GRID2IP: variants seen among roughly 807,000 people sequenced by gnomAD.
The protein encoded by GRID2IP is Grid2 interacting protein.
A neutral mutation model predicts 114.3 loss-of-function variants in GRID2IP; 78 were observed. The observed-to-expected ratio is 0.68, with a 90% CI of 0.57 to 0.82. GRID2IP has a LOEUF of 0.82. GRID2IP is among the 40% of genes least tolerant of loss of function. GRID2IP has a pLI of 0.00. For synonymous variants in GRID2IP, 809 were observed against 724.0 expected (o/e 1.12, Z -1.89); for missense variants, 1,727 against 1,678.5 (o/e 1.03, Z -0.51).
chr7:6,542,203 G>T (rs972428164), intron 1 of GRID2IP, among the ~76,000 whole-genome samples: 1 of 150,772 alleles, frequency 6.6e-6, no homozygotes, highest in Non-Finnish European at 1.5e-5. Flanking sequence ...TACTCGGGAG[G>T]CTGAGGCAGG....
rs1779161679 is a variant in GRID2IP at position 6,511,563 on chromosome 7, T to G, written c.1424-524A>C. Among the ~76,000 whole-genome samples, 3 of 151,840 alleles carry G rather than the reference T, an allele frequency of 2.0e-5. 1 individual carries two copies. The highest frequency in any genetic ancestry group is 4.2e-4 in the South Asian group (2 of 4,810). ...AATTTTTGTATTTTTAGTAGAGATA[T>G]GGTTTCAACATGTGGGCTAGGCTGG... is the stretch of plus-strand genomic sequence containing the variant. On this transcript the variant is annotated intron_variant, in intron 8 of 21. Transcript: ENST00000457091.
intron 14 of GRID2IP, 94 bp from the exon 15 acceptor site, chr7:6,504,964 C>A (rs878873424): frequency 2.1e-6 from 2 of 974,062 alleles, no homozygotes; most frequent in Non-Finnish European, 3.2e-6. Context: ...CAGCCACTAT[C>A]CCCCTAAGCA....
At chr7:6,505,932 G>A (rs1256683700) in intron 13 of GRID2IP, 25 bp from the exon 14 acceptor site, 1 of 1,483,282 alleles carries the variant, frequency 6.7e-7, no homozygotes, top group South Asian at 1.2e-5. Flanking sequence ...GGGAGGTTCA[G>A]AGTAGGAGGA....
chr7:6,550,646 A>G (rs1385123498), intron 1 of GRID2IP, among the ~76,000 whole-genome samples: 1 of 136,596 alleles, frequency 7.3e-6, no homozygotes, highest in Non-Finnish European at 1.5e-5. Flanking sequence ...CCCCGTCTCT[A>G]CTAAAAATAC....
At chr7:6,524,971 G>A (rs1470589128) in intron 4 of GRID2IP, among the ~76,000 whole-genome samples, 1 of 151,672 alleles carries the variant, frequency 6.6e-6, no homozygotes, top group Non-Finnish European at 1.5e-5. Flanking sequence ...ACCTGCCTTG[G>A]CCTCCTAAAA....
chr7:6,546,842 GC>G (rs1180759919), intron 1 of GRID2IP, among the ~76,000 whole-genome samples: 1 of 152,064 alleles, frequency 6.6e-6, no homozygotes, highest in East Asian at 1.9e-4. Context: ...CTCTGAACGT[GC>G]CCCCTTCCAA....
At chr7:6,522,698 T>G (rs1334555737) in intron 4 of GRID2IP, among the ~76,000 whole-genome samples, 1 of 151,448 alleles carries the variant, frequency 6.6e-6, no homozygotes, top group Non-Finnish European at 1.5e-5. Flanking sequence ...CAGGCTGGAG[T>G]GCAGTGGTGT....
Position 6,521,826 on chromosome 7 carries a change from G to C in GRID2IP, c.989+62C>G. On this transcript the variant is annotated intron_variant, in intron 5 of 21. Transcript: ENST00000457091. This position sits in a 1 kb window ranked among gnomAD's most constrained non-coding sequence, Gnocchi z 4.1. ...ACAGCCTGGGTGCCCCAAGAGGCAG[G>C]AGTCTTGCAGGGGGTGGGGGCAGCT... 2 of 1,260,782 alleles carry C rather than the reference G, an allele frequency of 1.6e-6. No homozygotes were observed. The highest frequency in any genetic ancestry group is 2.3e-6 in the Non-Finnish European group (2 of 884,050). The allele number at this position is 1,260,782 out of a possible 1,614,324, so 78.1% of individuals were successfully genotyped here.
In GRID2IP at chr7:6,551,035, C is replaced by T. The variant is rs1779967417; in HGVS notation, c.402G>A (p.Arg134=). ...KRPDAVHRER[R]RKAQEFSRKV... Reference sequence around the variant, plus strand: ...TGCGGCTGAACTCTTGGGCCTTGCGCCTGCGCTCTCGGTGCACCGCGTCCG... The same window carrying T: ...TGCGGCTGAACTCTTGGGCCTTGCGTCTGCGCTCTCGGTGCACCGCGTCCG... Residue 134 remains arginine (R), a synonymous_variant, in exon 1 of 22, where the codon AGG becomes AGA. Coordinates refer to ENST00000457091, the MANE Select transcript of GRID2IP (RefSeq NM_001145118.2). The T allele has an allele frequency of 1.5e-6, 2 of 1,290,596 alleles. No homozygotes were observed. The highest frequency in any genetic ancestry group is 2.0e-6 in the Non-Finnish European group (2 of 1,021,778). The allele number at this position is 1,290,596 out of a possible 1,614,324, so 79.9% of individuals were successfully genotyped here.
At position 6,510,644 on chromosome 7, in the gene GRID2IP, C is replaced by T. The variant is rs184965407; in HGVS notation, c.1618G>A (p.Gly540Ser). ...TTGGGGGTCTCAGGGAGGGACGTGC[C>T]GTCGCCTGCCTGGCGCTCGCCTGGG... ...LIPGERQAGD[G>S]TSLPETPNPK... The change falls in exon 10 of 22, where the codon GGC becomes AGC. Residue 540 changes from glycine to serine, a missense_variant. By Grantham distance (56) the Gly-to-Ser change is moderately conservative. Coordinates refer to ENST00000457091, the MANE Select transcript of GRID2IP (RefSeq NM_001145118.2). The T allele has an allele frequency of 5.9e-6, 9 of 1,538,004 alleles. No homozygotes were observed. The highest frequency in any genetic ancestry group is 3.7e-5 in the South Asian group (3 of 82,190).
rs1786475838 is a variant in GRID2IP at position 6,503,472 on chromosome 7, G to T, written c.2907+19C>A. 1 of 1,509,954 alleles carries T rather than the reference G, an allele frequency of 6.6e-7. No homozygotes were observed. Among genetic ancestry groups the T allele is most frequent in the Non-Finnish European group, 8.8e-7 (1 of 1,137,094 alleles). 93.5% of individuals were successfully genotyped at this position (1,509,954 alleles called of 1,614,324 possible). A position where few individuals can be genotyped will look rare whatever the true frequency, so the allele number is the denominator to read the frequency against. On this transcript the variant is annotated intron_variant, in intron 16 of 21. Transcript: ENST00000457091. ...GTGGAGCCGGCCGAGGCCTCGGGGC[G>T]GGGTTGTGGTCGCGGCACCTGCAGG...
rs1214633110 is a variant in GRID2IP, at chr7:6,514,370, C to T, written c.1423+5G>A. On this transcript the variant is annotated splice_donor_5th_base_variant and intron_variant, in intron 8 of 21. Transcript: ENST00000457091. ...CAGGGAAGTGGCAGGGGAGAGGACG[C>T]TTACCTGTCATGGCCGTGTAGCCCA... 3.3e-6 allele frequency: 5 copies of T among 1,504,092 alleles called. No individual in the cohort carries two copies. The highest frequency in any genetic ancestry group is 2.5e-5 in the South Asian group (2 of 78,870). The allele number at this position is 1,504,092 out of a possible 1,614,324, so 93.2% of individuals were successfully genotyped here. A position where few individuals can be genotyped will look rare whatever the true frequency, so the allele number is the denominator to read the frequency against.
rs10277236 is a variant in GRID2IP, at chr7:6,531,058, G to C, written c.585-4289C>G. 1.3e-3 allele frequency: 806 copies of C among 641,910 alleles called. 3 individuals are homozygous for C. In the African/African-American group the frequency reaches 0.013, roughly 11 times the overall value. 39.8% of individuals were successfully genotyped at this position (641,910 alleles called of 1,614,324 possible). A position where few individuals can be genotyped will look rare whatever the true frequency, so the allele number is the denominator to read the frequency against. On this transcript the variant is annotated intron_variant, in intron 2 of 21. Coordinates refer to ENST00000457091, the MANE Select transcript of GRID2IP (RefSeq NM_001145118.2). Reference sequence around the variant, plus strand: ...GTTCCCGGAGGCGCGGGACGCGATGGGGAAGCTACCGAAAGTGCCGAGAGA... The same window carrying C: ...GTTCCCGGAGGCGCGGGACGCGATGCGGAAGCTACCGAAAGTGCCGAGAGA...
rs1000104534 is a variant in GRID2IP at position 6,508,180 on chromosome 7, C to A, written c.2349G>T (p.Ala783=). ...TGAGTTGGGTGAGGGGCTTGGCCAGCGCCTGAGCAGGGCCCCGGGAACCAT... is the reference window on the plus strand; with the variant it reads ...TGAGTTGGGTGAGGGGCTTGGCCAGAGCCTGAGCAGGGCCCCGGGAACCAT... ...SSDGSRGPAQ[A]LAKPLTQLSH... is the part of the protein sequence containing the mutation. Residue 783 remains alanine, a synonymous_variant, in exon 13 of 22, where the codon GCG becomes GCT. Coordinates refer to ENST00000457091, the MANE Select transcript of GRID2IP (RefSeq NM_001145118.2). The surrounding 1 kb of genome is among the most constrained non-coding windows in gnomAD (Gnocchi z 5.6). The A allele has an allele frequency of 2.0e-6, 3 of 1,509,564 alleles. No homozygotes were observed. The highest frequency in any genetic ancestry group is 2.5e-5 in the East Asian group (1 of 40,574). 93.5% of individuals were successfully genotyped at this position (1,509,564 alleles called of 1,614,324 possible).
At chr7:6,550,798 A>G (rs926913978) in intron 1 of GRID2IP, among the ~76,000 whole-genome samples, 3 of 151,640 alleles carry the variant, frequency 2.0e-5, no homozygotes, top group African/African-American at 4.8e-5. Flanking sequence ...ACTGCACTCC[A>G]GCTTGGGTGA....
rs942337846 is a variant in GRID2IP, at chr7:6,510,640, G to A, written c.1622C>T (p.Thr541Met). 3 of 1,537,566 alleles carry A rather than the reference G, an allele frequency of 2.0e-6. No homozygotes were observed. Among genetic ancestry groups the A allele is most frequent in the African/African-American group, 2.8e-5 (2 of 72,210 alleles). The change falls in exon 10 of 22, where the codon ACG becomes ATG. Residue 541 changes from threonine (T) to methionine (M), a missense_variant. By Grantham distance (81) the Thr-to-Met change is moderately conservative. Coordinates refer to ENST00000457091, the MANE Select transcript of GRID2IP (RefSeq NM_001145118.2). Reference sequence around the variant, plus strand: ...GGGGTTGGGGGTCTCAGGGAGGGACGTGCCGTCGCCTGCCTGGCGCTCGCC... The same window carrying A: ...GGGGTTGGGGGTCTCAGGGAGGGACATGCCGTCGCCTGCCTGGCGCTCGCC... ...IPGERQAGDG[T>M]SLPETPNPKM...
chr7:6,537,074 C>T (rs865820828), intron 2 of GRID2IP, among the ~76,000 whole-genome samples: 8 of 152,102 alleles, frequency 5.3e-5, no homozygotes, highest in African/African-American at 4.8e-5. Flanking sequence ...GCCCAGGAGG[C>T]TGGGTGAGGA....
At chr7:6,497,889 G>C (rs572136826) in intron 21 of GRID2IP, 44 bp from the exon 22 acceptor site, 14 of 1,511,380 alleles carry the variant, frequency 9.3e-6, no homozygotes, top group Non-Finnish European at 1.3e-5. Flanking sequence ...GTGGTCCCAG[G>C]AACCTGTGAC....
At position 6,510,416 on chromosome 7, in the gene GRID2IP, G is replaced by A. The variant is rs776105989; in HGVS notation, c.1654-16C>T. ...CGGCTGACATCTGGAGGGAGACGGG[G>A]GAGAGTCCAGCCCATTCTGCTTCCC... On this transcript the variant is annotated splice_polypyrimidine_tract_variant and intron_variant, in intron 10 of 21. Coordinates refer to ENST00000457091, the MANE Select transcript of GRID2IP (RefSeq NM_001145118.2). 1.8e-5 allele frequency: 27 copies of A among 1,500,802 alleles called. No homozygotes were observed. The South Asian group carries it at 3.2e-4, about 18-fold the overall frequency. The allele number at this position is 1,500,802 out of a possible 1,614,324, so 93.0% of individuals were successfully genotyped here.
Sources: allele counts gnomAD v4.1 joint callset (sites outside exome capture counted in the v4.1 genomes callset), GRCh38; gene constraint gnomAD v4.1.1; non-coding constraint Gnocchi (gnomAD v3.1); transcripts MANE v1.5; gene names NCBI Gene and HGNC (gene_info 2026-07-23, HGNC 2026-07-21).